Variants in LRP1B observed in about 807,000 individuals in gnomAD.
LRP1B encodes the protein low-density lipoprotein receptor-related protein 1B.
In LRP1B, 217 loss-of-function variants were observed where a neutral mutation model predicts 556.6. That is an observed-to-expected ratio of 0.39 (90% confidence interval 0.35 to 0.44). The LOEUF is 0.44. Ranked by LOEUF, LRP1B falls within the 20% of genes least tolerant of loss-of-function variation. LRP1B has a pLI of 1.00. For synonymous variants in LRP1B, 2,047 were observed against 1,865.8 expected (o/e 1.10, Z -2.50); for missense variants, 5,053 against 5,620.8 (o/e 0.90, Z 3.23).
At chr2:140,692,290 T>G (rs1478376279) in intron 41 of LRP1B, among the ~76,000 whole-genome samples, 3 of 152,160 alleles carry the variant, frequency 2.0e-5, no homozygotes, top group Admixed American at 1.3e-4. Context: ...TTTGTTTTAA[T>G]CAAATTGTGT....
At chr2:141,619,794 TTTTA>T (rs34534415) in intron 2 of LRP1B, among the ~76,000 whole-genome samples, 20,771 of 152,062 alleles carry the variant, frequency 0.14, 1,538 homozygotes, top group South Asian at 0.24. Context: ...GAGGTACAGC[TTTTA>T]TTTATCTCTT....
chr2:140,342,982 C>A (rs2105099962), intron 77 of LRP1B, among the ~76,000 whole-genome samples: 1 of 150,330 alleles, frequency 6.7e-6, no homozygotes, highest in East Asian at 2.0e-4. Context: ...CCATCAGAAA[C>A]AAAGCAAATT....
chr2:141,707,076 G>T (rs1257447325), intron 2 of LRP1B, among the ~76,000 whole-genome samples: 1 of 152,020 alleles, frequency 6.6e-6, no homozygotes, highest in Non-Finnish European at 1.5e-5. Context: ...TAAGTTTTAG[G>T]TCTCTGAATG....
At chr2:140,654,015 G>T in intron 41 of LRP1B, among the ~76,000 whole-genome samples, 1 of 95,008 alleles carries the variant, frequency 1.1e-5, no homozygotes, top group African/African-American at 4.4e-5. Flanking sequence ...ACAAGAGCAA[G>T]ACTCCATCTC....
chr2:141,541,348 G>T (rs1226439882), intron 2 of LRP1B, among the ~76,000 whole-genome samples: 1 of 151,964 alleles, frequency 6.6e-6, no homozygotes, highest in Non-Finnish European at 1.5e-5. Flanking sequence ...TAAGACAGAT[G>T]AAATTATTCT....
At chr2:140,511,012 A>G (rs1337887383) in intron 51 of LRP1B, among the ~76,000 whole-genome samples, 1 of 151,468 alleles carries the variant, frequency 6.6e-6, no homozygotes, top group Non-Finnish European at 1.5e-5. Context: ...TTTTTTTTAA[A>G]TTTTACTTTC....
intron 1 of LRP1B, among the ~76,000 whole-genome samples, chr2:141,922,746 A>T (rs1416437441): frequency 1.3e-5 from 2 of 152,138 alleles, no homozygotes; most frequent in Admixed American, 6.5e-5. Flanking sequence ...AGAGTCACAC[A>T]TATTTCACTG....
intron 12 of LRP1B, among the ~76,000 whole-genome samples, chr2:141,017,156 T>A (rs1477721470): frequency 1.3e-5 from 2 of 152,046 alleles, no homozygotes; most frequent in African/African-American, 4.8e-5. Context: ...TTAAAGTGAT[T>A]TTTTAATTGG....
At chr2:140,839,069 CA>C in intron 31 of LRP1B, among the ~76,000 whole-genome samples, 1 of 152,062 alleles carries the variant, frequency 6.6e-6, no homozygotes, top group East Asian at 1.9e-4. Context: ...TACTAAATAC[CA>C]AAACCCAAAA....
chr2:140,942,552 C>A (rs1022969242), intron 20 of LRP1B, among the ~76,000 whole-genome samples: 1 of 152,110 alleles, frequency 6.6e-6, no homozygotes, highest in Non-Finnish European at 1.5e-5. Context: ...AAAGTCATAT[C>A]ACCTTCAAAG....
chr2:141,201,878 T>C (rs1305936965), intron 6 of LRP1B, among the ~76,000 whole-genome samples: 1 of 152,168 alleles, frequency 6.6e-6, no homozygotes, highest in African/African-American at 2.4e-5. Flanking sequence ...TTAAAAGAAA[T>C]TGCAACCAAG....
chr2:141,445,298 T>C (rs1681144974), intron 3 of LRP1B, among the ~76,000 whole-genome samples: 1 of 152,204 alleles, frequency 6.6e-6, no homozygotes, highest in African/African-American at 2.4e-5. Flanking sequence ...TTTTATTGTG[T>C]CTATTTGATT....
At chr2:140,890,234 G>T (rs1026510072) in intron 23 of LRP1B, among the ~76,000 whole-genome samples, 3 of 152,080 alleles carry the variant, frequency 2.0e-5, no homozygotes, top group African/African-American at 7.2e-5. Context: ...TCTCAAAAGG[G>T]GCTGTCTCTG....
At chr2:141,750,496 G>A (rs1558849421) in intron 2 of LRP1B, among the ~76,000 whole-genome samples, 1 of 152,042 alleles carries the variant, frequency 6.6e-6, no homozygotes, top group Non-Finnish European at 1.5e-5. Flanking sequence ...CTTGTCCTTG[G>A]ACTCCACCGC....
At chr2:140,895,614 T>C (rs1210369415) in intron 23 of LRP1B, among the ~76,000 whole-genome samples, 1 of 152,136 alleles carries the variant, frequency 6.6e-6, no homozygotes, top group Non-Finnish European at 1.5e-5. Flanking sequence ...AACAGCTCAG[T>C]GTGACAACCC....
intron 2 of LRP1B, among the ~76,000 whole-genome samples, chr2:141,632,837 T>G (rs1459930686): frequency 6.9e-6 from 1 of 144,460 alleles, no homozygotes; most frequent in African/African-American, 2.6e-5. Context: ...CAGACTACTA[T>G]GAGAATGTAT....
chr2:140,693,053 G>A (rs1686302004), intron 41 of LRP1B, among the ~76,000 whole-genome samples: 1 of 151,884 alleles, frequency 6.6e-6, no homozygotes, highest in Non-Finnish European at 1.5e-5. Context: ...TGCTAACTAG[G>A]CAATGTATAA....
At chr2:141,780,053 C>A (rs1336058845) in intron 2 of LRP1B, among the ~76,000 whole-genome samples, 1 of 149,192 alleles carries the variant, frequency 6.7e-6, no homozygotes, top group Non-Finnish European at 1.5e-5. Flanking sequence ...CTCTCTTCCC[C>A]ATACTAGATA....
chr2:140,336,291 C>A (rs1681090820), intron 77 of LRP1B, among the ~76,000 whole-genome samples: 1 of 151,768 alleles, frequency 6.6e-6, no homozygotes, highest in Admixed American at 6.6e-5. Context: ...TTAATCTTTT[C>A]ATTGCTCAGT....
Sources: gnomAD v4.1 joint callset for allele counts (sites outside exome capture counted in the v4.1 genomes callset) on GRCh38, gnomAD v4.1.1 for gene constraint, MANE v1.5 for transcripts, NCBI Gene and HGNC (gene_info 2026-07-23, HGNC 2026-07-21) for gene names.